The following GK5 variants were observed in gnomAD, a reference collection of about 807,000 sequenced individuals.
The protein encoded by GK5 is ATP:glycerol 3-phosphotransferase 5.
A neutral mutation model predicts 77.3 loss-of-function variants in GK5; 39 were observed. That is an observed-to-expected ratio of 0.50 (90% CI 0.39 to 0.66). The LOEUF is 0.66. Ranked by LOEUF, GK5 falls within the 30% of genes least tolerant of loss-of-function variation. The probability of loss-of-function intolerance (pLI) is 0.00; values close to 1 mark genes in which losing one functional copy is unlikely to be tolerated. For missense variants in GK5, 487 were observed against 633.8 expected (o/e 0.77, Z 2.49); for synonymous variants, 211 against 208.0 (o/e 1.01, Z -0.13).
chr3:142,224,448 A>G (rs1420278958), intron 1 of GK5, among the ~76,000 whole-genome samples: 1 of 152,242 alleles, frequency 6.6e-6, no homozygotes, highest in South Asian at 2.1e-4. Context: ...ACACCATAAC[A>G]AATAAATATT....
At chr3:142,186,571 C>G in intron 6 of GK5, 58 bp from the exon 7 acceptor site, 1 of 730,720 alleles carries the variant, frequency 1.4e-6, no homozygotes, top group Non-Finnish European at 2.3e-6. Context: ...CAACACCTAT[C>G]GATAGTATAT....
At chr3:142,179,494 C>A (rs2107772044) in intron 11 of GK5, among the ~76,000 whole-genome samples, 1 of 152,080 alleles carries the variant, frequency 6.6e-6, no homozygotes, top group East Asian at 1.9e-4. Flanking sequence ...CCAGCCTGGG[C>A]AACATAGCGA....
At chr3:142,223,991 C>A (rs984306447) in intron 1 of GK5, among the ~76,000 whole-genome samples, 1 of 152,118 alleles carries the variant, frequency 6.6e-6, no homozygotes, top group East Asian at 1.9e-4. Flanking sequence ...GGAAGAAGAA[C>A]GGGACACTGA....
rs769776180 is a variant in GK5 at position 142,185,658 on chromosome 3, T to A, written c.816+271A>T. On this transcript the variant is annotated intron_variant, in intron 9 of 15. Transcript: ENST00000392993. ...ACTCAGAATTAAAAAAAATTTTTTT[T>A]AATTTAAGTTTTCTGATAAACAATA... is the stretch of plus-strand genomic sequence containing the variant. 10 of 1,238,900 alleles carry A rather than the reference T, an allele frequency of 8.1e-6. No individual in the cohort carries two copies. The Admixed American group carries it at 2.7e-4, about 34-fold the overall frequency. The allele number at this position is 1,238,900 out of a possible 1,614,324, so 76.7% of individuals were successfully genotyped here.
At chr3:142,175,335 A>G (rs1225251911) in intron 12 of GK5, among the ~76,000 whole-genome samples, 2 of 152,154 alleles carry the variant, frequency 1.3e-5, no homozygotes, top group Non-Finnish European at 2.9e-5. Context: ...TGGCTGTCCT[A>G]GACTTTCCCA....
intron 11 of GK5, 170 bp from the exon 12 acceptor site, chr3:142,177,746 G>C (rs145149756): frequency 3.6e-6 from 2 of 553,134 alleles, no homozygotes; most frequent in African/African-American, 3.8e-5. Context: ...TTCTGTTCTG[G>C]TACTATCTGA....
At position 142,213,416 on chromosome 3, in the gene GK5, C is replaced by T. The variant is rs145336346; in HGVS notation, c.317+110G>A. On this transcript the variant is annotated intron_variant, in intron 3 of 15. Coordinates refer to ENST00000392993, the MANE Select transcript of GK5 (RefSeq NM_001039547.3). ...GCACATTTCATCCCTCTTAACCAAA[C>T]GAAACTATTCTCAATTCAGAAAGTT... 2.5e-3 allele frequency: 1,876 copies of T among 745,780 alleles called. 3 individuals carry two copies. Among genetic ancestry groups the T allele is most frequent in the Middle Eastern group, 4.3e-3 (18 of 4,206 alleles). 46.2% of individuals were successfully genotyped at this position (745,780 alleles called of 1,614,324 possible).
chr3:142,170,973 A>G lies in GK5; in HGVS notation c.1307+446T>C, dbSNP rs137915788. Among the ~76,000 whole-genome samples, 1,318 of 152,282 alleles carry G rather than the reference A, an allele frequency of 8.7e-3. 21 individuals carry two copies. Among genetic ancestry groups the G allele is most frequent in the African/African-American group, 0.03 (1,262 of 41,546 alleles). ...GCTGGGCGCGTTGGCTCACACCTGT[A>G]ATCCCAGCACTGTGGGAGGCTGAAG... On this transcript the variant is annotated intron_variant, in intron 14 of 15. Transcript: ENST00000392993.
At chr3:142,193,993 G>C (rs1159717773) in intron 5 of GK5, among the ~76,000 whole-genome samples, 1 of 151,970 alleles carries the variant, frequency 6.6e-6, no homozygotes, top group Non-Finnish European at 1.5e-5. Flanking sequence ...CACCCCCCTC[G>C]GCCTCCCAAA....
rs566266024 is a variant in GK5, at chr3:142,160,664, T to A, written c.*4958A>T. On this transcript the variant is annotated 3_prime_UTR_variant, in exon 16 of 16. Transcript: ENST00000392993. ...AAAAAGTTAATATATCTATGTGTAT[T>A]TACAGACATGTGTCTCTACACAAAT... The A allele has an allele frequency of 3.3e-5, 5 of 152,216 alleles. No homozygotes were observed. Among genetic ancestry groups the A allele is most frequent in the Non-Finnish European group, 7.3e-5 (5 of 68,042 alleles). 9.4% of individuals were successfully genotyped at this position (152,216 alleles called of 1,614,324 possible). A position where few individuals can be genotyped will look rare whatever the true frequency, so the allele number is the denominator to read the frequency against.
At chr3:142,207,636 A>G (rs553209827) in intron 3 of GK5, among the ~76,000 whole-genome samples, 7 of 152,272 alleles carry the variant, frequency 4.6e-5, no homozygotes, top group Non-Finnish European at 7.4e-5. Flanking sequence ...TAAATCTCTC[A>G]CTAACCTACC....
At chr3:142,181,064 T>C (rs1222803252) in intron 11 of GK5, among the ~76,000 whole-genome samples, 2 of 152,326 alleles carry the variant, frequency 1.3e-5, no homozygotes, top group East Asian at 1.9e-4. Flanking sequence ...TCTTTAATTA[T>C]CGTACGTGAA....
chr3:142,170,487 T>C (rs1560209374), intron 14 of GK5, 29 bp from the exon 15 acceptor site: 1 of 1,564,892 alleles, frequency 6.4e-7, no homozygotes. Context: ...GTAAGATGAA[T>C]TACTACAACA....
intron 14 of GK5, 62 bp from the exon 15 acceptor site, chr3:142,170,520 G>T: frequency 2.8e-5 from 38 of 1,366,900 alleles, no homozygotes; most frequent in South Asian, 7.4e-5. Flanking sequence ...TTTTTCAGTG[G>T]GCCACATTTT....
chr3:142,167,592 T>C (rs1244017683), intron 15 of GK5, among the ~76,000 whole-genome samples: 1 of 152,216 alleles, frequency 6.6e-6, no homozygotes, highest in Non-Finnish European at 1.5e-5. Flanking sequence ...CAAATCCAAT[T>C]TCTGGGTAAA....
intron 12 of GK5, among the ~76,000 whole-genome samples, chr3:142,172,683 G>GA (rs2063554646): frequency 1.3e-5 from 2 of 152,192 alleles, no homozygotes; most frequent in African/African-American, 4.8e-5. Context: ...ATTTATGTCA[G>GA]AAAGAGGAAC....
chr3:142,216,622 C>A (rs1168777002), intron 1 of GK5, among the ~76,000 whole-genome samples: 2 of 151,984 alleles, frequency 1.3e-5, no homozygotes, highest in Non-Finnish European at 2.9e-5. Context: ...TGGCCGGGGA[C>A]CACCAGGGGA....
intron 3 of GK5, among the ~76,000 whole-genome samples, chr3:142,210,043 C>T (rs913930982): frequency 2.0e-5 from 3 of 152,064 alleles, no homozygotes; most frequent in Admixed American, 1.3e-4. Context: ...AAACACACCA[C>T]TTTTTGAATA....
chr3:142,206,630 A>G (rs2064112060), intron 3 of GK5, among the ~76,000 whole-genome samples: 1 of 152,188 alleles, frequency 6.6e-6, no homozygotes, highest in Admixed American at 6.5e-5. Flanking sequence ...AATTCTTTAC[A>G]TGTTCTAGAT....
Sources: allele counts gnomAD v4.1 joint callset (sites outside exome capture counted in the v4.1 genomes callset), GRCh38; gene constraint gnomAD v4.1.1; transcripts MANE v1.5; gene names NCBI Gene and HGNC (gene_info 2026-07-23, HGNC 2026-07-21).